PRRC2B: variants seen among roughly 807,000 people sequenced by gnomAD.
PRRC2B encodes the protein protein PRRC2B.
In PRRC2B, 68 loss-of-function variants were observed where a neutral mutation model predicts 242.3. That is an observed-to-expected ratio of 0.28 (90% CI 0.23 to 0.34). The LOEUF is 0.34. Among genes scored for constraint, PRRC2B ranks in the 10% least tolerant of loss-of-function variants. The pLI is 1.00. For missense variants in PRRC2B, 2,835 were observed against 2,954.8 expected (o/e 0.96, Z 0.94); for synonymous variants, 1,228 against 1,173.6 (o/e 1.05, Z -0.95).
At chr9:131,456,103 ACT>A (rs1038033553) in intron 10 of PRRC2B, among the ~76,000 whole-genome samples, 1 of 151,600 alleles carries the variant, frequency 6.6e-6, no homozygotes, top group Non-Finnish European at 1.5e-5. Context: ...ACAGAGCAAA[ACT>A]CTGTCTCAAA....
intron 1 of PRRC2B, among the ~76,000 whole-genome samples, chr9:131,388,520 G>A (rs540683502): frequency 2.0e-5 from 3 of 148,874 alleles, no homozygotes; most frequent in African/African-American, 4.9e-5. Context: ...GATTACAGAC[G>A]TGTGCCACCA....
At position 131,432,779 on chromosome 9, in the gene PRRC2B, A is replaced by T. The variant is rs1473278841; in HGVS notation, c.278A>T (p.Gln93Leu). 6.2e-7 allele frequency: 1 copy of T among 1,614,052 alleles called. No homozygotes were observed. Among genetic ancestry groups the T allele is most frequent in the Admixed American group, 1.7e-5 (1 of 60,016 alleles). Residue 93 changes from glutamine (Q) to leucine (L), a missense_variant, in exon 3 of 32, where the codon CAG (glutamine) becomes CTG (leucine). Coordinates refer to ENST00000683519, the MANE Select transcript of PRRC2B (RefSeq NM_013318.4). ...ACGGGATGGGCAAACAAGCAGGATCAGCAAGACCCAAAGAGGTAAACGGAG... is the reference window on the plus strand; with the variant it reads ...ACGGGATGGGCAAACAAGCAGGATCTGCAAGACCCAAAGAGGTAAACGGAG... ...DGTGWANKQD[Q>L]QDPKSSSATA...
Position 131,477,804 on chromosome 9 carries a change from C to T in PRRC2B, c.4467C>T (p.Ser1489=), listed in dbSNP as rs1180582830. Residue 1489 remains serine (S), a synonymous_variant, in exon 17 of 32, where the codon TCC becomes TCT. Transcript: ENST00000683519. ...GCTGCAGCAGTGGGAGTGGCCACTCCCCCTATGCCCTGGAGCGGGCAGCCC... is the reference window on the plus strand; with the variant it reads ...GCTGCAGCAGTGGGAGTGGCCACTCTCCCTATGCCCTGGAGCGGGCAGCCC... ...LSGCSSGSGH[S]PYALERAAHA... 2.5e-6 allele frequency: 4 copies of T among 1,612,566 alleles called. No homozygotes were observed. The highest frequency in any genetic ancestry group is 2.2e-5 in the East Asian group (1 of 44,876).
intron 1 of PRRC2B, among the ~76,000 whole-genome samples, chr9:131,420,487 T>TTC (rs1564278599): frequency 2.8e-4 from 7 of 24,688 alleles, no homozygotes; most frequent in African/African-American, 8.1e-4. Flanking sequence ...CTTTCTTTCT[T>TTC]TCTTTCTTTT....
At chr9:131,412,169 G>A (rs1407105772) in intron 1 of PRRC2B, among the ~76,000 whole-genome samples, 1 of 152,096 alleles carries the variant, frequency 6.6e-6, no homozygotes, top group Non-Finnish European at 1.5e-5. Flanking sequence ...TACGTTGACC[G>A]TCTCTATCTT....
chr9:131,449,281 C>G (rs578163998), intron 9 of PRRC2B, among the ~76,000 whole-genome samples: 126 of 152,168 alleles, frequency 8.3e-4, no homozygotes, highest in Non-Finnish European at 1.6e-3. Context: ...AAACCTTTTC[C>G]CCTGGTGGTT....
chr9:131,429,032 T>G (rs1194755460), intron 1 of PRRC2B, among the ~76,000 whole-genome samples: 2 of 152,164 alleles, frequency 1.3e-5, no homozygotes, highest in Non-Finnish European at 2.9e-5. Flanking sequence ...CTTGACTCAC[T>G]GCAGCCCAGG....
Position 131,426,328 on chromosome 9 carries a change from ACT to A in PRRC2B, c.-51-3763_-51-3762del, listed in dbSNP as rs1473075934. Among the ~76,000 whole-genome samples the A allele has an allele frequency of 1.7e-3, 238 of 137,130 alleles. 1 individual carries two copies. The highest frequency in any genetic ancestry group is 6.3e-3 in the African/African-American group (227 of 36,114). 90.0% of individuals were successfully genotyped at this position (137,130 alleles called of 152,430 possible). A position where few individuals can be genotyped will look rare whatever the true frequency, so the allele number is the denominator to read the frequency against. ...ACTCCAGCCTGAGCTACAGAAAGAA[ACT>A]CTGTCTCAAAAAAAAAAAAAAAAAA... On this transcript the variant is annotated intron_variant, in intron 1 of 31. Coordinates refer to ENST00000683519, the MANE Select transcript of PRRC2B (RefSeq NM_013318.4).
At chr9:131,489,119 G>A (rs1344751885) in intron 28 of PRRC2B, among the ~76,000 whole-genome samples, 1 of 151,512 alleles carries the variant, frequency 6.6e-6, no homozygotes, top group Non-Finnish European at 1.5e-5. Context: ...AACTCTCAGT[G>A]TCCCTCTCAG....
intron 20 of PRRC2B, 76 bp downstream of exon 20, chr9:131,481,884 T>G (rs1943881147): frequency 7.4e-7 from 1 of 1,354,780 alleles, no homozygotes; most frequent in African/African-American, 1.4e-5. Flanking sequence ...CACGGCCAGC[T>G]TGCTGTGGCC....
chr9:131,465,574 G>A (rs1300550571), intron 12 of PRRC2B, among the ~76,000 whole-genome samples: 1 of 152,128 alleles, frequency 6.6e-6, no homozygotes, highest in Admixed American at 6.6e-5. Flanking sequence ...ACTCATCATC[G>A]TCACTATTAT....
chr9:131,452,355 T>C (rs557459618), intron 9 of PRRC2B, among the ~76,000 whole-genome samples: 20 of 152,294 alleles, frequency 1.3e-4, no homozygotes, highest in African/African-American at 4.8e-4. Flanking sequence ...CCCTTCAGTT[T>C]TCATTGTGGA....
intron 1 of PRRC2B, among the ~76,000 whole-genome samples, chr9:131,376,496 G>A (rs982816104): frequency 2.6e-5 from 4 of 152,116 alleles, no homozygotes; most frequent in African/African-American, 9.7e-5. Context: ...TTCCTCCAGG[G>A]CACACCACTG....
At chr9:131,401,611 A>G (rs1049811075) in intron 1 of PRRC2B, among the ~76,000 whole-genome samples, 1 of 151,752 alleles carries the variant, frequency 6.6e-6, no homozygotes, top group African/African-American at 2.4e-5. Flanking sequence ...TCAGCCTCCC[A>G]AAGTGCTGGG....
In PRRC2B at chr9:131,376,180, C is replaced by T. The variant is rs1276458642; in HGVS notation, c.-56+2449C>T. Reference sequence around the variant, plus strand: ...CAGCCTGACCAACATGGTGAAACCCCGTCTCTACTAAAAATACAAAAAAAT... The same window carrying T: ...CAGCCTGACCAACATGGTGAAACCCTGTCTCTACTAAAAATACAAAAAAAT... On this transcript the variant is annotated intron_variant, in intron 1 of 1. Transcript: ENST00000682525. Among the ~76,000 whole-genome samples, 7 of 151,500 alleles carry T rather than the reference C, an allele frequency of 4.6e-5. No homozygotes were observed. In the East Asian group the frequency reaches 5.8e-4, roughly 13 times the overall value.
chr9:131,494,518 T>C lies in PRRC2B; in HGVS notation c.6555+32T>C, dbSNP rs1313914300. The C allele has an allele frequency of 4.7e-6, 6 of 1,264,626 alleles. No homozygotes were observed. The highest frequency in any genetic ancestry group is 4.4e-5 in the African/African-American group (3 of 67,530). The allele number at this position is 1,264,626 out of a possible 1,614,324, so 78.3% of individuals were successfully genotyped here. A position where few individuals can be genotyped will look rare whatever the true frequency, so the allele number is the denominator to read the frequency against. ...GATGGCTTTCCAGACCCTTCAGCCC[T>C]GGACACTTAGGCCCGTCTCCAAGCG... On this transcript the variant is annotated intron_variant, in intron 31 of 31. Coordinates refer to ENST00000683519, the MANE Select transcript of PRRC2B (RefSeq NM_013318.4). The surrounding 1 kb of genome is among the most constrained non-coding windows in gnomAD (Gnocchi z 4.3).
intron 3 of PRRC2B, among the ~76,000 whole-genome samples, chr9:131,435,950 A>G (rs1344637146): frequency 2.0e-5 from 3 of 152,236 alleles, no homozygotes; most frequent in African/African-American, 7.2e-5. Context: ...TGATGAGATC[A>G]TGATGTTCTG....
intron 1 of PRRC2B, among the ~76,000 whole-genome samples, chr9:131,374,120 A>G (rs1836652798): frequency 6.6e-6 from 1 of 152,024 alleles, no homozygotes; most frequent in Non-Finnish European, 1.5e-5. Context: ...GGTAATGGAT[A>G]TTTCAGTCAC....
intron 19 of PRRC2B, among the ~76,000 whole-genome samples, chr9:131,481,075 G>A (rs1321507645): frequency 2.0e-5 from 3 of 151,876 alleles, no homozygotes; most frequent in Non-Finnish European, 4.4e-5. Flanking sequence ...GCTGAGGCAG[G>A]CAGATCACCA....
Sources: allele counts gnomAD v4.1 joint callset (sites outside exome capture counted in the v4.1 genomes callset), GRCh38; gene constraint gnomAD v4.1.1; non-coding constraint Gnocchi (gnomAD v3.1); transcripts MANE v1.5; gene names NCBI Gene and HGNC (gene_info 2026-07-23, HGNC 2026-07-21).